Variants in RMST observed in about 807,000 individuals in gnomAD.
RMST encodes the protein long intergenic non-protein coding RNA 54.
chr12:97,517,059 G>A (rs1224705654), intron 10 of RMST, among the ~76,000 whole-genome samples: 1 of 151,800 alleles, frequency 6.6e-6, no homozygotes, highest in Non-Finnish European at 1.5e-5. Context: ...ATTTATTTCA[G>A]ACTCTACTCT....
rs539919096 is a variant in RMST, at chr12:97,493,580, C to T, written n.899+295C>T. On this transcript the variant is annotated intron_variant and non_coding_transcript_variant, in intron 7 of 13. Coordinates refer to ENST00000640149, the Ensembl canonical transcript of RMST. Reference sequence around the variant, plus strand: ...TGTAATTCAGATCCTGTGATTTCCACGTGGAATACTTGCATTATACGATAT... The same window carrying T: ...TGTAATTCAGATCCTGTGATTTCCATGTGGAATACTTGCATTATACGATAT... Among the ~76,000 whole-genome samples the T allele has an allele frequency of 5.3e-5, 8 of 152,176 alleles. No individual in the cohort carries two copies. The South Asian group carries it at 1.2e-3, about 24-fold the overall frequency.
chr12:97,536,922 T>C, intron 11 of RMST, among the ~76,000 whole-genome samples: 1 of 151,494 alleles, frequency 6.6e-6, no homozygotes, highest in Non-Finnish European at 1.5e-5. Context: ...AAACTAGTTT[T>C]TCTGAACCGA....
chr12:97,524,684 A>C (rs1880909391), intron 10 of RMST, among the ~76,000 whole-genome samples: 1 of 152,212 alleles, frequency 6.6e-6, no homozygotes, highest in African/African-American at 2.4e-5. Flanking sequence ...CCTTGTAAAT[A>C]CAAGCATTCT....
At chr12:97,499,079 C>CT in intron 10 of RMST, among the ~76,000 whole-genome samples, 2 of 152,262 alleles carry the variant, frequency 1.3e-5, no homozygotes, top group South Asian at 4.1e-4. Flanking sequence ...AAGGCTGCCT[C>CT]TGTCTCTAAG....
In RMST at chr12:97,524,466, T is replaced by A. The variant is rs151011495; in HGVS notation, n.1341-6189T>A. Among the ~76,000 whole-genome samples, 370 of 152,334 alleles carry A rather than the reference T, an allele frequency of 2.4e-3. 1 individual carries two copies. The highest frequency in any genetic ancestry group is 8.8e-3 in the African/African-American group (364 of 41,564). ...AGCAACTGTTCATACCCTAGAGCTG[T>A]GATTGGCCACCTAATAGTGTCTAAA... On this transcript the variant is annotated intron_variant and non_coding_transcript_variant, in intron 10 of 13. Coordinates refer to ENST00000640149, the Ensembl canonical transcript of RMST.
chr12:97,541,106 C>G (rs1315848978), intron 11 of RMST: 1 of 151,516 alleles, frequency 6.6e-6, no homozygotes, highest in Non-Finnish European at 1.5e-5. Flanking sequence ...ATAGTACATA[C>G]ACTTCTGGCT....
chr12:97,535,456 C>T (rs574926525), intron 11 of RMST, among the ~76,000 whole-genome samples: 2 of 151,834 alleles, frequency 1.3e-5, no homozygotes, highest in South Asian at 4.1e-4. Flanking sequence ...TCAGTTTCAA[C>T]AAGCCTTTAT....
At chr12:97,516,890 T>C (rs1390991889) in intron 10 of RMST, among the ~76,000 whole-genome samples, 1 of 152,044 alleles carries the variant, frequency 6.6e-6, no homozygotes, top group African/African-American at 2.4e-5. Context: ...GCTACAATAT[T>C]GTATGGGAAG....
intron 11 of RMST, among the ~76,000 whole-genome samples, chr12:97,540,939 T>G (rs1487170270): frequency 1.2e-5 from 1 of 85,660 alleles, no homozygotes; most frequent in Non-Finnish European, 2.5e-5. Context: ...GATAGAGAGA[T>G]AGATAGATAT....
intron 11 of RMST, among the ~76,000 whole-genome samples, chr12:97,548,477 T>C (rs1209846730): frequency 1.3e-5 from 2 of 151,150 alleles, no homozygotes; most frequent in African/African-American, 4.9e-5. Flanking sequence ...AGATCATGAA[T>C]ATTTTAACAA....
intron 13 of RMST, among the ~76,000 whole-genome samples, chr12:97,561,205 T>C (rs1433702834): frequency 6.6e-6 from 1 of 152,246 alleles, no homozygotes; most frequent in African/African-American, 2.4e-5. Flanking sequence ...CATGTTGTTA[T>C]TTACTATGAC....
chr12:97,538,274 A>G (rs755966064), intron 11 of RMST, among the ~76,000 whole-genome samples: 24 of 151,464 alleles, frequency 1.6e-4, no homozygotes, highest in Non-Finnish European at 2.8e-4. Context: ...AAAAATGGAT[A>G]GCAAAACAGT....
At chr12:97,534,663 G>A (rs939227869) in intron 11 of RMST, among the ~76,000 whole-genome samples, 6 of 151,608 alleles carry the variant, frequency 4.0e-5, no homozygotes, top group South Asian at 2.1e-4. Flanking sequence ...AGTGTGCTTC[G>A]AAGACATTTT....
chr12:97,562,548 G>T (rs1298123860), intron 13 of RMST, among the ~76,000 whole-genome samples: 2 of 152,094 alleles, frequency 1.3e-5, no homozygotes, highest in Non-Finnish European at 2.9e-5. Context: ...GGAGGCAGAT[G>T]AGCAGCTGTG....
At chr12:97,521,523 A>T (rs1880510768) in intron 10 of RMST, among the ~76,000 whole-genome samples, 1 of 152,222 alleles carries the variant, frequency 6.6e-6, no homozygotes, top group South Asian at 2.1e-4. Flanking sequence ...ATATAAAATA[A>T]GTATGTAAAG....
chr12:97,498,468 T>C (rs917630648), intron 10 of RMST, among the ~76,000 whole-genome samples: 3 of 152,148 alleles, frequency 2.0e-5, no homozygotes, highest in Non-Finnish European at 4.4e-5. Flanking sequence ...AACAGGATAA[T>C]GAGTATAAAG....
chr12:97,500,468 A>T (rs1877961429), intron 10 of RMST, among the ~76,000 whole-genome samples: 1 of 152,230 alleles, frequency 6.6e-6, no homozygotes, highest in Admixed American at 6.5e-5. Flanking sequence ...CACTTCCAAT[A>T]ATAATGACTG....
intron 13 of RMST, chr12:97,563,284 C>T (rs1453020364): frequency 6.1e-6 from 1 of 163,568 alleles, no homozygotes; most frequent in East Asian, 1.9e-4. Flanking sequence ...GTATGCTATA[C>T]TTTTTTATTT....
At chr12:97,533,969 C>T (rs1336353370) in intron 11 of RMST, among the ~76,000 whole-genome samples, 1 of 151,748 alleles carries the variant, frequency 6.6e-6, no homozygotes, top group Non-Finnish European at 1.5e-5. Flanking sequence ...AGATGAAAAA[C>T]TTGTGATAGA....
Sources: allele counts gnomAD v4.1 joint callset (sites outside exome capture counted in the v4.1 genomes callset), GRCh38; gene constraint gnomAD v4.1.1; transcripts MANE v1.5; gene names NCBI Gene and HGNC (gene_info 2026-07-23, HGNC 2026-07-21).